The following DBN1 variants were observed in gnomAD, a reference collection of about 807,000 sequenced individuals.
The protein encoded by DBN1 is drebrin.
Under a neutral mutation model 83.5 loss-of-function variants are expected in DBN1, and 21 were observed. The observed-to-expected ratio is 0.25, with a 90% CI of 0.18 to 0.36. The LOEUF is 0.36. DBN1 is among the 10% of genes least tolerant of loss of function. The pLI, the probability that DBN1 is intolerant of heterozygous loss-of-function variation, is 1.00. For synonymous variants in DBN1, 381 were observed against 384.9 expected (o/e 0.99, Z 0.12); for missense variants, 874 against 935.7 (o/e 0.93, Z 0.86).
In DBN1 at chr5:177,458,139, G is replaced by A; in HGVS notation, c.1833C>T (p.Ala611=). ...AAPQTPTLPS[A]LEELEQEQEP... ...CCTGCTCTTGCTCCAGCTCCTCAAG[G>A]GCTGAGGGCAGAGTTGGGGTCTGGG... The change falls in exon 13 of 15, where the codon GCC becomes GCT. Residue 611 remains alanine, a synonymous_variant. Coordinates refer to ENST00000393565, the MANE Select transcript of DBN1 (RefSeq NM_001363541.2). 1 of 1,613,594 alleles carries A rather than the reference G, an allele frequency of 6.2e-7. No individual in the cohort carries two copies. The highest frequency in any genetic ancestry group is 8.5e-7 in the Non-Finnish European group (1 of 1,179,998).
Position 177,456,805 on chromosome 5 carries a change from T to TA in DBN1, c.*627dup, listed in dbSNP as rs966011714. 2.0e-5 allele frequency: 3 copies of TA among 150,470 alleles called. No homozygotes were observed. The highest frequency in any genetic ancestry group is 5.0e-5 in the African/African-American group (2 of 40,272). The allele number at this position is 150,470 out of a possible 1,614,324, so 9.3% of individuals were successfully genotyped here. Reference sequence around the variant, plus strand: ...CCATAGCCCTGACCTGAACCGCGCCTAGGGCCTCCAACCTGGGACCTGCCC... The same window carrying TA: ...CCATAGCCCTGACCTGAACCGCGCCTAAGGGCCTCCAACCTGGGACCTGCCC... On this transcript the variant is annotated 3_prime_UTR_variant, in exon 15 of 15. Transcript: ENST00000393565.
At chr5:177,462,717 T>G (rs565301006) in intron 8 of DBN1, among the ~76,000 whole-genome samples, 102 of 152,230 alleles carry the variant, frequency 6.7e-4, no homozygotes, top group Non-Finnish European at 1.2e-3. Context: ...GCTCTGTTTT[T>G]GAGCCTATAA....
rs530856429 is a variant in DBN1 at position 177,466,087 on chromosome 5, G to A, written c.771+685C>T. On this transcript the variant is annotated intron_variant, in intron 8 of 14. Coordinates refer to ENST00000393565, the MANE Select transcript of DBN1 (RefSeq NM_001363541.2). This position sits in a 1 kb window ranked among gnomAD's most constrained non-coding sequence, Gnocchi z 4.8. ...TGCCTCCTCTCTCTCAGCCTCCTGT[G>A]GGTGACTCCGGAGCCCGTTTGAGTC... is the stretch of plus-strand genomic sequence containing the variant. Among the ~76,000 whole-genome samples the A allele has an allele frequency of 3.9e-4, 60 of 152,178 alleles. No homozygotes were observed. Among genetic ancestry groups the A allele is most frequent in the African/African-American group, 1.4e-3 (57 of 41,508 alleles).
rs1241477800 is a variant in DBN1, at chr5:177,458,133, C to T, written c.1839G>A (p.Glu613=). The change falls in exon 13 of 15, where the codon GAG becomes GAA. Residue 613 remains glutamate (E), a synonymous_variant. Coordinates refer to ENST00000393565, the MANE Select transcript of DBN1 (RefSeq NM_001363541.2). ...CCGGCTCCTGCTCTTGCTCCAGCTC[C>T]TCAAGGGCTGAGGGCAGAGTTGGGG... ...PQTPTLPSAL[E]ELEQEQEPEP... is the part of the protein sequence containing the mutation. 2 of 1,613,676 alleles carry T rather than the reference C, an allele frequency of 1.2e-6. No homozygotes were observed. The highest frequency in any genetic ancestry group is 1.1e-5 in the South Asian group (1 of 91,072).
At chr5:177,462,352 A>C in intron 8 of DBN1, 1 of 985,344 alleles carries the variant, frequency 1.0e-6, no homozygotes, top group Non-Finnish European at 1.2e-6. Flanking sequence ...CCTGCTCCCC[A>C]CCCGGGGGCC....
At chr5:177,458,000 G>A (rs774816894) in intron 13 of DBN1, 58 bp downstream of exon 13, 41 of 1,599,070 alleles carry the variant, frequency 2.6e-5, no homozygotes, top group Non-Finnish European at 3.3e-5. Flanking sequence ...TGCAGGGCCA[G>A]CACCCTGCTC....
intron 2 of DBN1, chr5:177,468,534 AAG>A: frequency 2.2e-6 from 1 of 462,970 alleles, no homozygotes; most frequent in Admixed American, 3.6e-5. Flanking sequence ...AGGCACAATC[AAG>A]CCTTCTGGCT....
chr5:177,458,948 A>AGTGT (rs1756786265), intron 12 of DBN1, 150 bp downstream of exon 12: 1 of 1,372,320 alleles, frequency 7.3e-7, no homozygotes, highest in East Asian at 2.5e-5. Flanking sequence ...ACTGTACACC[A>AGTGT]GGGCTCCTCC....
At chr5:177,460,307 G>A (rs183188975) in intron 10 of DBN1, 125 bp downstream of exon 10, 14 of 1,414,300 alleles carry the variant, frequency 9.9e-6, no homozygotes, top group Admixed American at 3.5e-5. Context: ...GATGCACGCT[G>A]GATGAAGGGT....
chr5:177,467,981 GCCCCGGCCGCA>G lies in DBN1; in HGVS notation c.255+116_255+126del, dbSNP rs1561687365. ...TCTGGGCCTTCAGTTCCCTTCCCCAGCCCCGGCCGCATACCCAGTTGATGAGCAGCTCTGGG... is the reference window on the plus strand; with the variant it reads ...TCTGGGCCTTCAGTTCCCTTCCCCAGTACCCAGTTGATGAGCAGCTCTGGG... On this transcript the variant is annotated intron_variant, in intron 3 of 14. Transcript: ENST00000393565. This position sits in a 1 kb window ranked among gnomAD's most constrained non-coding sequence, Gnocchi z 9.1. 2 of 1,144,734 alleles carry G rather than the reference GCCCCGGCCGCA, an allele frequency of 1.7e-6. No individual in the cohort carries two copies. The highest frequency in any genetic ancestry group is 1.6e-5 in the African/African-American group (1 of 64,196). 70.9% of individuals were successfully genotyped at this position (1,144,734 alleles called of 1,614,324 possible).
In DBN1 at chr5:177,457,690, T is replaced by C. The variant is rs777780897; in HGVS notation, c.1982A>G (p.Lys661Arg). The C allele has an allele frequency of 1.2e-6, 2 of 1,610,912 alleles. No homozygotes were observed. The highest frequency in any genetic ancestry group is 3.3e-5 in the Admixed American group (2 of 59,950). ...EFAQSEELCA[K>R]APPPVFYNKP... ...GTTGTAGAACACAGGAGGCGGAGCCTTGGCACAGAGCTCTTCCGATTGGGC... is the reference window on the plus strand; with the variant it reads ...GTTGTAGAACACAGGAGGCGGAGCCCTGGCACAGAGCTCTTCCGATTGGGC... Residue 661 changes from lysine (K) to arginine (R), a missense_variant, in exon 14 of 15, where the codon AAG becomes AGG. Coordinates refer to ENST00000393565, the MANE Select transcript of DBN1 (RefSeq NM_001363541.2).
chr5:177,472,107 C>T (rs1757887349), intron 1 of DBN1: 1 of 1,605,798 alleles, frequency 6.2e-7, no homozygotes, highest in East Asian at 2.3e-5. Context: ...GCCGGCCTCT[C>T]CTGTGACTGA....
rs1400440142 is a variant in DBN1 at position 177,467,143 on chromosome 5, C to T, written c.556-81G>A. 26 of 1,606,968 alleles carry T rather than the reference C, an allele frequency of 1.6e-5. No individual in the cohort carries two copies. Among genetic ancestry groups the T allele is most frequent in the African/African-American group, 1.5e-4 (11 of 74,754 alleles). ...CCCCTCCAGCCCCTCCCTAACCCAG[C>T]GCTGGGGGCGGGGCACGTGGCATGG... On this transcript the variant is annotated intron_variant, in intron 6 of 14. Transcript: ENST00000393565. This position sits in a 1 kb window ranked among gnomAD's most constrained non-coding sequence, Gnocchi z 9.1.
In DBN1 at chr5:177,459,623, T is replaced by C; in HGVS notation, c.1073A>G (p.Asn358Ser). The C allele has an allele frequency of 6.5e-7, 1 of 1,543,170 alleles. No homozygotes were observed. Among genetic ancestry groups the C allele is most frequent in the African/African-American group, 1.4e-5 (1 of 71,696 alleles). The change falls in exon 11 of 15, where the codon AAC becomes AGC. Residue 358 changes from asparagine to serine, a missense_variant. Asn to Ser is a conservative substitution (Grantham distance 46, BLOSUM62 1). Transcript: ENST00000393565. ...FPYITCHRTP[N>S]LSSSLPCSHL... ...CCTACATGGGAGGGAGGAAGAGAGG[T>C]TTGGGGTGCGGTGGCAGGTGATATA...
At position 177,460,718 on chromosome 5, in the gene DBN1, GAC is replaced by G. The variant is rs1561679986; in HGVS notation, c.772-17_772-16del. 2 of 1,613,208 alleles carry G rather than the reference GAC, an allele frequency of 1.2e-6. No individual in the cohort carries two copies. Among genetic ancestry groups the G allele is most frequent in the Admixed American group, 3.3e-5 (2 of 59,968 alleles). On this transcript the variant is annotated splice_polypyrimidine_tract_variant and intron_variant, in intron 8 of 14. Coordinates refer to ENST00000393565, the MANE Select transcript of DBN1 (RefSeq NM_001363541.2). ...CGATGGTCACCCTAGAAACCAAAGG[GAC>G]AGTGTCTGGTGCACCTACCCCCCAC...
chr5:177,464,581 A>G (rs1427643758), intron 8 of DBN1, among the ~76,000 whole-genome samples: 3 of 151,390 alleles, frequency 2.0e-5, no homozygotes, highest in Non-Finnish European at 4.4e-5. Flanking sequence ...AACATGGTGA[A>G]ACCCCATCTC....
At chr5:177,462,152 G>C (rs994252565) in intron 8 of DBN1, 1 of 925,490 alleles carries the variant, frequency 1.1e-6, no homozygotes, top group African/African-American at 1.8e-5. Flanking sequence ...CTTGGCCTAC[G>C]TCCCCCACCC....
chr5:177,460,573 A>C lies in DBN1; in HGVS notation c.832-18T>G, dbSNP rs760361818. ...GCTGCCTCCTGAGGGCACGAGGAAAAGGTTGGGGCTGGGCCAGGCAAGCTG... is the reference window on the plus strand; with the variant it reads ...GCTGCCTCCTGAGGGCACGAGGAAACGGTTGGGGCTGGGCCAGGCAAGCTG... On this transcript the variant is annotated intron_variant, in intron 9 of 14. Coordinates refer to ENST00000393565, the MANE Select transcript of DBN1 (RefSeq NM_001363541.2). The C allele has an allele frequency of 1.2e-4, 190 of 1,613,998 alleles. 2 individuals carry two copies. The South Asian group carries it at 2.1e-3, about 18-fold the overall frequency.
chr5:177,473,089 A>T (rs1757967780), intron 1 of DBN1: 1 of 151,538 alleles, frequency 6.6e-6, no homozygotes, highest in Non-Finnish European at 1.5e-5. Context: ...CGCCCCGTGC[A>T]CACCTGTCCC....
Sources: gnomAD v4.1 joint callset for allele counts (sites outside exome capture counted in the v4.1 genomes callset) on GRCh38, gnomAD v4.1.1 for gene constraint, Gnocchi (gnomAD v3.1) non-coding constraint, MANE v1.5 for transcripts, NCBI Gene and HGNC (gene_info 2026-07-23, HGNC 2026-07-21) for gene names.